Variants in SGMS2 observed in about 807,000 individuals in gnomAD.
SGMS2 encodes the protein phosphatidylcholine:ceramide cholinephosphotransferase 2.
Under a neutral mutation model 43.8 loss-of-function variants are expected in SGMS2, and 21 were observed. The observed-to-expected ratio is 0.48, with a 90% CI of 0.34 to 0.69. SGMS2 has a LOEUF of 0.69. SGMS2 is among the 30% of genes least tolerant of loss of function. SGMS2 has a pLI of 0.01. For synonymous variants in SGMS2, 167 were observed against 160.6 expected (o/e 1.04, Z -0.30); for missense variants, 384 against 443.2 (o/e 0.87, Z 1.20).
In SGMS2 at chr4:107,895,278, A is replaced by G. The variant is rs1730574656; in HGVS notation, c.-244-32A>G. 1.0e-5 allele frequency: 4 copies of G among 384,582 alleles called. No individual in the cohort carries two copies. In the South Asian group the frequency reaches 2.4e-4, roughly 23 times the overall value. The allele number at this position is 384,582 out of a possible 1,614,324, so 23.8% of individuals were successfully genotyped here. On this transcript the variant is annotated intron_variant, in intron 2 of 6. Transcript: ENST00000690982. ...GGATGGTTGACAGTTGGACAAGCAT[A>G]GTTTCTGAACATAATTTTGTTTTGC...
intron 1 of SGMS2, among the ~76,000 whole-genome samples, chr4:107,836,845 A>G (rs1726211528): frequency 6.6e-6 from 1 of 152,162 alleles, no homozygotes; most frequent in Non-Finnish European, 1.5e-5. Context: ...TAGTAGAGAG[A>G]CTGGGAGAGA....
chr4:107,863,378 C>T (rs1287413953), intron 2 of SGMS2: 2 of 152,188 alleles, frequency 1.3e-5, no homozygotes, highest in African/African-American at 4.8e-5. Context: ...CTGTCATAAA[C>T]TCTGGGAAAG....
At chr4:107,841,060 C>T (rs1726469717) in intron 1 of SGMS2, among the ~76,000 whole-genome samples, 1 of 152,142 alleles carries the variant, frequency 6.6e-6, no homozygotes, top group Admixed American at 6.5e-5. Context: ...CATATAATTA[C>T]AAGTTATGGA....
At chr4:107,858,017 C>CG (rs897127922) in intron 1 of SGMS2, among the ~76,000 whole-genome samples, 31 of 152,186 alleles carry the variant, frequency 2.0e-4, no homozygotes, top group African/African-American at 6.7e-4. Context: ...CCCACCCCCC[C>CG]CATCCCCAAC....
intron 1 of SGMS2, among the ~76,000 whole-genome samples, chr4:107,846,945 C>G (rs1451361888): frequency 6.6e-6 from 1 of 152,088 alleles, no homozygotes; most frequent in African/African-American, 2.4e-5. Context: ...CCTTTGCCCA[C>G]TTTTTGATGG....
chr4:107,896,044 G>A (rs745750355), intron 3 of SGMS2, 36 bp downstream of exon 3: 4 of 1,574,694 alleles, frequency 2.5e-6, no homozygotes, highest in African/African-American at 1.4e-5. Context: ...TTTGTCATGG[G>A]TTTGTTTTTG....
rs79881807 is a variant in SGMS2 at position 107,857,903 on chromosome 4, G to A, written c.-326-569G>A. Reference sequence around the variant, plus strand: ...ATGCCTAGTTCACAATACTCCCGCCGTGCTTTCCATTCTTTTTAAACCTTC... The same window carrying A: ...ATGCCTAGTTCACAATACTCCCGCCATGCTTTCCATTCTTTTTAAACCTTC... On this transcript the variant is annotated intron_variant, in intron 1 of 6. Coordinates refer to ENST00000690982, the MANE Select transcript of SGMS2 (RefSeq NM_001375905.1). Among the ~76,000 whole-genome samples, 352 of 152,202 alleles carry A rather than the reference G, an allele frequency of 2.3e-3. 8 individuals are homozygous for A. The East Asian group carries it at 0.055, about 24-fold the overall frequency.
At chr4:107,826,997 G>A (rs1725630490) in intron 1 of SGMS2, among the ~76,000 whole-genome samples, 1 of 152,176 alleles carries the variant, frequency 6.6e-6, no homozygotes, top group Admixed American at 6.5e-5. Context: ...CTTTGAGCAA[G>A]TTTACTTAAA....
At chr4:107,873,292 G>A (rs1357829205) in intron 2 of SGMS2, 1 of 137,426 alleles carries the variant, frequency 7.3e-6, no homozygotes, top group African/African-American at 2.5e-5. Context: ...GGGGAAATCA[G>A]CTTCAAATAG....
At chr4:107,853,090 G>A (rs1379943633) in intron 1 of SGMS2, among the ~76,000 whole-genome samples, 2 of 151,842 alleles carry the variant, frequency 1.3e-5, no homozygotes, top group African/African-American at 2.4e-5. Flanking sequence ...TCTTGTCATC[G>A]CTCATGACTT....
At position 107,914,587 on chromosome 4, in the gene SGMS2, T is replaced by C. The variant is rs2126177401; in HGVS notation, c.*4034T>C. 1 of 152,234 alleles carries C rather than the reference T, an allele frequency of 6.6e-6. No homozygotes were observed. The highest frequency in any genetic ancestry group is 1.9e-4 in the East Asian group (1 of 5,188). 9.4% of individuals were successfully genotyped at this position (152,234 alleles called of 1,614,324 possible). ...TTGTTGTAAAGTAAAATTTTAAGTC[T>C]AGATTCATTATTTTCCTGACATATA... On this transcript the variant is annotated 3_prime_UTR_variant, in exon 7 of 7. Transcript: ENST00000690982.
intron 1 of SGMS2, among the ~76,000 whole-genome samples, chr4:107,851,681 T>C (rs1034508682): frequency 6.6e-6 from 1 of 152,222 alleles, no homozygotes; most frequent in African/African-American, 2.4e-5. Flanking sequence ...GAAGGGCAGC[T>C]TCTCTATAAT....
chr4:107,877,072 G>C (rs1217972204), intron 2 of SGMS2, among the ~76,000 whole-genome samples: 2 of 152,074 alleles, frequency 1.3e-5, no homozygotes, highest in Non-Finnish European at 2.9e-5. Flanking sequence ...GGCTGACTTG[G>C]GAGAATCACT....
At chr4:107,891,883 C>T (rs1340986045) in intron 2 of SGMS2, among the ~76,000 whole-genome samples, 1 of 152,084 alleles carries the variant, frequency 6.6e-6, no homozygotes, top group Non-Finnish European at 1.5e-5. Context: ...ACACGTTGAA[C>T]ATACCTGGCC....
intron 2 of SGMS2, among the ~76,000 whole-genome samples, chr4:107,870,109 T>C (rs554853998): frequency 6.6e-6 from 1 of 152,352 alleles, no homozygotes; most frequent in East Asian, 1.9e-4. Flanking sequence ...GTAAAAGTAC[T>C]GGTGATGCCT....
At chr4:107,856,568 C>T (rs1156698238) in intron 1 of SGMS2, among the ~76,000 whole-genome samples, 1 of 152,088 alleles carries the variant, frequency 6.6e-6, no homozygotes, top group Non-Finnish European at 1.5e-5. Flanking sequence ...ATTTTATTTG[C>T]GTGGAGTGAG....
At chr4:107,859,546 C>T (rs1234097896) in intron 2 of SGMS2, among the ~76,000 whole-genome samples, 1 of 152,136 alleles carries the variant, frequency 6.6e-6, no homozygotes, top group Non-Finnish European at 1.5e-5. Context: ...TTCCCTTTGT[C>T]TGGTGGTGTC....
At chr4:107,875,180 C>T (rs1251833939) in intron 2 of SGMS2, among the ~76,000 whole-genome samples, 3 of 152,140 alleles carry the variant, frequency 2.0e-5, no homozygotes, top group East Asian at 1.9e-4. Flanking sequence ...CTGCATAAAT[C>T]GTTCTGTTAT....
chr4:107,883,504 T>C (rs187643029), intron 2 of SGMS2, among the ~76,000 whole-genome samples: 107 of 152,166 alleles, frequency 7.0e-4, no homozygotes, highest in African/African-American at 2.5e-3. Context: ...TTAGTAGAGA[T>C]AGGGTTTTGC....
Sources: allele counts gnomAD v4.1 joint callset (sites outside exome capture counted in the v4.1 genomes callset), GRCh38; gene constraint gnomAD v4.1.1; transcripts MANE v1.5; gene names NCBI Gene and HGNC (gene_info 2026-07-23, HGNC 2026-07-21).